PICALM: variants seen among roughly 807,000 people sequenced by gnomAD.
The protein encoded by PICALM is phosphatidylinositol-binding clathrin assembly protein.
In PICALM, 40 loss-of-function variants were observed where a neutral mutation model predicts 80.5. The ratio of observed to expected loss-of-function variants is 0.50; its 90% confidence interval spans 0.39 to 0.65. The LOEUF is 0.65. PICALM is among the 30% of genes least tolerant of loss of function. PICALM has a pLI of 0.00. For missense variants in PICALM, 676 were observed against 778.9 expected, an observed-to-expected ratio of 0.87 and a Z score of 1.57; for synonymous variants, 288 against 260.3, an observed-to-expected ratio of 1.11 and a Z score of -1.02.
At chr11:86,061,807 T>C (rs547105349) in intron 1 of PICALM, among the ~76,000 whole-genome samples, 52 of 152,318 alleles carry the variant, frequency 3.4e-4, no homozygotes, top group Non-Finnish European at 6.6e-4. Flanking sequence ...ACACAGATGT[T>C]TGATGTTTAT....
At chr11:85,967,536 A>G (rs537291389) in intron 19 of PICALM, among the ~76,000 whole-genome samples, 1 of 152,316 alleles carries the variant, frequency 6.6e-6, no homozygotes, top group East Asian at 1.9e-4. Flanking sequence ...CACCTATGGT[A>G]CTACATCCCA....
intron 5 of PICALM, among the ~76,000 whole-genome samples, chr11:86,014,077 T>C (rs1306456512): frequency 6.6e-6 from 1 of 152,232 alleles, no homozygotes; most frequent in Non-Finnish European, 1.5e-5. Flanking sequence ...GTAAGATTTA[T>C]TGAATGTTTA....
Position 86,064,650 on chromosome 11 carries a change from T to TA in PICALM, c.130+4000_130+4001insT, listed in dbSNP as rs1360476635. Among the ~76,000 whole-genome samples, 307 of 133,496 alleles carry TA rather than the reference T, an allele frequency of 2.3e-3. 1 individual carries two copies. The highest frequency in any genetic ancestry group is 4.1e-3 in the Non-Finnish European group (247 of 60,274). The allele number at this position is 133,496 out of a possible 152,430, so 87.6% of individuals were successfully genotyped here. A position where few individuals can be genotyped will look rare whatever the true frequency, so the allele number is the denominator to read the frequency against. On this transcript the variant is annotated intron_variant, in intron 1 of 19. Transcript: ENST00000393346. ...GCAACAGAGTAAGACCCACCTCATT[T>TA]TAAAAAAAAAAAAAAAAAAGGAGAC... is the stretch of plus-strand genomic sequence containing the variant.
intron 1 of PICALM, among the ~76,000 whole-genome samples, chr11:86,034,652 C>G (rs1354153309): frequency 6.6e-6 from 1 of 151,906 alleles, no homozygotes; most frequent in African/African-American, 2.4e-5. Flanking sequence ...CTGAATCCCA[C>G]ACACACTAAA....
chr11:85,978,025 T>G (rs200457806), intron 17 of PICALM: 7 of 1,498,286 alleles, frequency 4.7e-6, no homozygotes, highest in Non-Finnish European at 6.5e-6. Flanking sequence ...CAGTGGTTAA[T>G]AGCATGCCAA....
chr11:85,997,829 C>T (rs1472323234), intron 11 of PICALM, among the ~76,000 whole-genome samples: 2 of 151,746 alleles, frequency 1.3e-5, no homozygotes, highest in African/African-American at 4.8e-5. Context: ...GTTGTCCAGG[C>T]TGGAGTGCAG....
Position 85,986,822 on chromosome 11 carries a change from G to A in PICALM, c.1409-2849C>T, listed in dbSNP as rs187645156. Among the ~76,000 whole-genome samples, 454 of 152,252 alleles carry A rather than the reference G, an allele frequency of 3.0e-3. 3 individuals are homozygous for A. Among genetic ancestry groups the A allele is most frequent in the African/African-American group, 0.01 (436 of 41,538 alleles). On this transcript the variant is annotated intron_variant, in intron 13 of 19. Coordinates refer to ENST00000393346, the MANE Select transcript of PICALM (RefSeq NM_007166.4). ...TGCGCACATGCTAAAAAGAGCAGGC[G>A]CTGAGCTCTGAGTTAAGGTTAACTT...
intron 13 of PICALM, among the ~76,000 whole-genome samples, chr11:85,988,775 A>T (rs7481696): frequency 6.6e-6 from 1 of 152,256 alleles, no homozygotes; most frequent in African/African-American, 2.4e-5. Context: ...GGCATTCTTC[A>T]AATTACAACT....
chr11:86,043,336 GT>G (rs1212456278), intron 1 of PICALM, among the ~76,000 whole-genome samples: 1 of 151,852 alleles, frequency 6.6e-6, no homozygotes, highest in African/African-American at 2.4e-5. Context: ...CTCTGCTTCT[GT>G]TTTTTTCACC....
intron 9 of PICALM, among the ~76,000 whole-genome samples, chr11:86,002,474 C>T (rs977145150): frequency 2.0e-5 from 3 of 152,116 alleles, no homozygotes; most frequent in African/African-American, 4.8e-5. Flanking sequence ...AATCATGTTA[C>T]CAGACTGATA....
At chr11:86,065,325 A>T (rs569340399) in intron 1 of PICALM, among the ~76,000 whole-genome samples, 2 of 152,158 alleles carry the variant, frequency 1.3e-5, no homozygotes, top group Non-Finnish European at 2.9e-5. Flanking sequence ...ATGCGCCTGT[A>T]GTCACAGCTA....
At chr11:85,978,872 A>C (rs2094356749) in intron 17 of PICALM, among the ~76,000 whole-genome samples, 1 of 152,206 alleles carries the variant, frequency 6.6e-6, no homozygotes, top group Non-Finnish European at 1.5e-5. Context: ...ATTATATTTT[A>C]ATAGCAGCAC....
intron 6 of PICALM, 26 bp downstream of exon 6, chr11:86,012,255 T>C (rs369099696): frequency 5.6e-6 from 7 of 1,239,152 alleles, no homozygotes; most frequent in Non-Finnish European, 8.3e-6. Flanking sequence ...AGATAAGAAA[T>C]GTTATTAGGC....
Position 85,981,982 on chromosome 11 carries a change from A to G in PICALM, c.1538T>C (p.Leu513Pro). The change falls in exon 15 of 20, where the codon CTT becomes CCT. Residue 513 changes from leucine to proline, a missense_variant. By Grantham distance (98) the Leu-to-Pro change is moderately conservative. Coordinates refer to ENST00000393346, the MANE Select transcript of PICALM (RefSeq NM_007166.4). ...DSGGFDELGG[L>P]LKPTVASQNQ... ...CTGAGAGGCCACTGTTGGTTTGAGAAGTCCACCTAGTTCATCAAAGCCTTA... is the reference window on the plus strand; with the variant it reads ...CTGAGAGGCCACTGTTGGTTTGAGAGGTCCACCTAGTTCATCAAAGCCTTA... The G allele has an allele frequency of 1.2e-6, 2 of 1,613,504 alleles. No homozygotes were observed. The highest frequency in any genetic ancestry group is 1.7e-6 in the Non-Finnish European group (2 of 1,179,422).
intron 8 of PICALM, 114 bp downstream of exon 8, chr11:86,007,428 G>T: frequency 1.5e-6 from 1 of 646,502 alleles, no homozygotes; most frequent in South Asian, 1.6e-5. Context: ...TGTTAAAACT[G>T]GTCAAAAACT....
At chr11:85,969,539 A>C (rs559304375) in intron 19 of PICALM, 4 of 236,584 alleles carry the variant, frequency 1.7e-5, no homozygotes, top group Non-Finnish European at 3.5e-5. Flanking sequence ...CAATGAAAGA[A>C]CAATTAAAAG....
chr11:86,000,896 A>T, intron 10 of PICALM, 117 bp from the exon 11 acceptor site: 1 of 1,479,932 alleles, frequency 6.8e-7, no homozygotes, highest in Non-Finnish European at 9.2e-7. Context: ...ACCTAATTCT[A>T]TGTCAGGACG....
At chr11:86,062,405 G>C (rs1451799346) in intron 1 of PICALM, among the ~76,000 whole-genome samples, 1 of 151,768 alleles carries the variant, frequency 6.6e-6, no homozygotes, top group Non-Finnish European at 1.5e-5. Flanking sequence ...GTAATCCCAG[G>C]TATTTGGGAG....
At chr11:86,061,330 CAAAAAAAAAAA>C (rs58836221) in intron 1 of PICALM, among the ~76,000 whole-genome samples, 4 of 81,170 alleles carry the variant, frequency 4.9e-5, no homozygotes, top group Non-Finnish European at 9.6e-5. Flanking sequence ...GACTCCATCT[CAAAAAAAAAAA>C]AAAAAAAAAA....
Sources: gnomAD v4.1 joint callset for allele counts (sites outside exome capture counted in the v4.1 genomes callset) on GRCh38, gnomAD v4.1.1 for gene constraint, MANE v1.5 for transcripts, NCBI Gene and HGNC (gene_info 2026-07-23, HGNC 2026-07-21) for gene names.